The following BIRC6 variants were observed in gnomAD, a reference collection of about 807,000 sequenced individuals.
BIRC6 encodes the protein dual E2 ubiquitin-conjugating enzyme/E3 ubiquitin-protein ligase BIRC6.
A neutral mutation model predicts 503.3 loss-of-function variants in BIRC6; 98 were observed. The ratio of observed to expected loss-of-function variants is 0.19; its 90% confidence interval spans 0.17 to 0.23. The LOEUF (loss-of-function observed/expected upper bound fraction) is 0.23, where lower values mean the gene tolerates loss of function less well. BIRC6 is among the 10% of genes least tolerant of loss of function. BIRC6 has a pLI of 1.00. For missense variants in BIRC6, 5,360 were observed against 5,806.0 expected (o/e 0.92, Z 2.50); for synonymous variants, 2,240 against 2,078.7 (o/e 1.08, Z -2.11).
At chr2:32,440,508 C>T (rs897806123) in intron 16 of BIRC6, among the ~76,000 whole-genome samples, 1 of 152,058 alleles carries the variant, frequency 6.6e-6, no homozygotes, top group Non-Finnish European at 1.5e-5. Context: ...TGTTTATCAT[C>T]ATTATTTATA....
At chr2:32,426,636 T>C (rs138700625) in intron 10 of BIRC6, among the ~76,000 whole-genome samples, 1 of 152,218 alleles carries the variant, frequency 6.6e-6, no homozygotes, top group East Asian at 1.9e-4. Flanking sequence ...CAACAAAACA[T>C]GTTACAATTA....
At position 32,415,770 on chromosome 2, in the gene BIRC6, C is replaced by A; in HGVS notation, c.2479C>A (p.Leu827Ile). The A allele has an allele frequency of 6.2e-7, 1 of 1,613,618 alleles. No individual in the cohort carries two copies. ...GAATGTTAGTGGTGGATATTTAGTG[C>A]TTTATAAAATGAATTATGCCACTCG... ...QRNVSGGYLVLYKMNYATRIV... is the reference protein window; with the variant it reads ...QRNVSGGYLVIYKMNYATRIV... Residue 827 changes from leucine (L) to isoleucine (I), a missense_variant, in exon 10 of 74, where the codon CTT (leucine) becomes ATT (isoleucine). This residue lies in a region of BIRC6 where 700 missense variants were observed against 739.3 expected (regional missense o/e 0.95). Coordinates refer to ENST00000421745, the MANE Select transcript of BIRC6 (RefSeq NM_016252.4).
chr2:32,470,388 T>TATTTCTCTGA (rs1553450208), intron 31 of BIRC6, 87 bp downstream of exon 31: 1 of 1,248,906 alleles, frequency 8.0e-7, no homozygotes, highest in African/African-American at 1.6e-5. Context: ...AATACTTTAA[T>TATTTCTCTGA]AATTATTTGC....
chr2:32,601,320 G>T (rs1273609600), intron 70 of BIRC6, among the ~76,000 whole-genome samples: 1 of 152,246 alleles, frequency 6.6e-6, no homozygotes, highest in African/African-American at 2.4e-5. Context: ...GGTGGCTCAT[G>T]CCTATAATCC....
intron 57 of BIRC6, among the ~76,000 whole-genome samples, chr2:32,520,827 A>G (rs765042280): frequency 6.6e-6 from 1 of 152,162 alleles, no homozygotes; most frequent in Non-Finnish European, 1.5e-5. Context: ...AACACATACA[A>G]ACAAAATTAA....
intron 66 of BIRC6, 61 bp from the exon 67 acceptor site, chr2:32,593,854 G>T: frequency 7.3e-7 from 1 of 1,370,794 alleles, no homozygotes; most frequent in Non-Finnish European, 1.0e-6. Flanking sequence ...GATTTATGGA[G>T]GTGTTTTAGT....
chr2:32,437,703 G>C (rs2044883208), intron 15 of BIRC6, among the ~76,000 whole-genome samples: 1 of 152,048 alleles, frequency 6.6e-6, no homozygotes, highest in African/African-American at 2.4e-5. Flanking sequence ...TTTCCTTTTA[G>C]CATCATATCG....
chr2:32,543,121 A>G lies in BIRC6; in HGVS notation c.12292-120A>G, dbSNP rs1290944091. 5.2e-6 allele frequency: 6 copies of G among 1,159,678 alleles called. No individual in the cohort carries two copies. In the East Asian group the frequency reaches 7.7e-5, roughly 15 times the overall value. The allele number at this position is 1,159,678 out of a possible 1,614,324, so 71.8% of individuals were successfully genotyped here. On this transcript the variant is annotated intron_variant, in intron 61 of 73. Coordinates refer to ENST00000421745, the MANE Select transcript of BIRC6 (RefSeq NM_016252.4). ...GGCTGGAAGCTTGTTTTTTAAAGCA[A>G]GCAGCTTTATTAATCCTTATAATCC...
At chr2:32,559,586 C>T (rs1341404141) in intron 65 of BIRC6, among the ~76,000 whole-genome samples, 1 of 151,962 alleles carries the variant, frequency 6.6e-6, no homozygotes, top group Non-Finnish European at 1.5e-5. Context: ...TTATCTTTAT[C>T]CATTCTTGTT....
In BIRC6 at chr2:32,403,675, A is replaced by G. The variant is rs531777406; in HGVS notation, c.1418+2052A>G. On this transcript the variant is annotated intron_variant, in intron 8 of 73. Transcript: ENST00000421745. ...TAGTATGTCTGTTTTTCAGAAACAC[A>G]TATAATCTTAACTAAACATTTTTAC... Among the ~76,000 whole-genome samples the G allele has an allele frequency of 1.3e-3, 204 of 152,350 alleles. 2 individuals carry two copies. Among genetic ancestry groups the G allele is most frequent in the Middle Eastern group, 6.8e-3 (2 of 294 alleles).
chr2:32,471,230 G>C, intron 32 of BIRC6, 106 bp downstream of exon 32: 3 of 1,405,808 alleles, frequency 2.1e-6, no homozygotes, highest in East Asian at 2.6e-5. Context: ...TATTGGCCTG[G>C]AGCTACCAGC....
chr2:32,466,802 T>C (rs752010366), intron 26 of BIRC6, among the ~76,000 whole-genome samples: 2 of 152,158 alleles, frequency 1.3e-5, no homozygotes, highest in Admixed American at 1.3e-4. Flanking sequence ...TTTTGTTTTG[T>C]TTTGGTTTTG....
chr2:32,584,096 G>T (rs1265382562), intron 66 of BIRC6, among the ~76,000 whole-genome samples: 1 of 152,120 alleles, frequency 6.6e-6, no homozygotes, highest in African/African-American at 2.4e-5. Context: ...GAATAGGCTG[G>T]GTGCGGTGGC....
At chr2:32,615,807 G>T (rs2063190334) in intron 73 of BIRC6, among the ~76,000 whole-genome samples, 1 of 151,914 alleles carries the variant, frequency 6.6e-6, no homozygotes, top group South Asian at 2.1e-4. Flanking sequence ...GCTAATTTTT[G>T]TATTTTTTGT....
In BIRC6 at chr2:32,529,742, G is replaced by A. The variant is rs1239198015; in HGVS notation, c.12012G>A (p.Leu4004=). The change falls in exon 60 of 74, where the codon CTG becomes CTA. Residue 4004 remains leucine, a synonymous_variant. Coordinates refer to ENST00000421745, the MANE Select transcript of BIRC6 (RefSeq NM_016252.4). ...KLPQGYRSID[L]TVKLGSRVIT... is the part of the protein sequence containing the mutation. The stretch of plus-strand genomic sequence containing the variant: ...CTCAGGGTTACCGCTCAATAGATCT[G>A]ACTGTTAAATTGGGATCAAGAGTTA... The A allele has an allele frequency of 1.2e-6, 2 of 1,613,364 alleles. No homozygotes were observed. Among genetic ancestry groups the A allele is most frequent in the East Asian group, 2.2e-5 (1 of 44,850 alleles).
At chr2:32,539,530 A>G (rs1572896167) in intron 61 of BIRC6, among the ~76,000 whole-genome samples, 1 of 152,326 alleles carries the variant, frequency 6.6e-6, no homozygotes, top group Middle Eastern at 3.4e-3. Flanking sequence ...GGTAAGATCT[A>G]GAAAACCTCA....
At chr2:32,560,177 A>G (rs2059070293) in intron 65 of BIRC6, among the ~76,000 whole-genome samples, 1 of 152,204 alleles carries the variant, frequency 6.6e-6, no homozygotes, top group South Asian at 2.1e-4. Flanking sequence ...AAATACAAAA[A>G]ACTTGATATT....
chr2:32,532,441 A>T (rs896714574), intron 61 of BIRC6, among the ~76,000 whole-genome samples: 8 of 151,998 alleles, frequency 5.3e-5, no homozygotes, highest in Non-Finnish European at 1.0e-4. Context: ...ATTTCTGCCT[A>T]CGTCGTCATA....
chr2:32,421,396 C>T (rs529632957), intron 10 of BIRC6, among the ~76,000 whole-genome samples: 24 of 152,180 alleles, frequency 1.6e-4, no homozygotes, highest in South Asian at 1.2e-3. Context: ...TGAGCCACCG[C>T]GCTGGCCTTC....
Sources: allele counts gnomAD v4.1 joint callset (sites outside exome capture counted in the v4.1 genomes callset), GRCh38; gene constraint gnomAD v4.1.1; regional missense constraint gnomAD v4.1.1; transcripts MANE v1.5; gene names NCBI Gene and HGNC (gene_info 2026-07-23, HGNC 2026-07-21).